RAF1: variants seen among roughly 807,000 people sequenced by gnomAD.
RAF1 encodes Raf-1 proto-oncogene, serine/threonine kinase.
RAF1 carries 27 observed loss-of-function variants against 81.1 expected under a neutral mutation model. The observed-to-expected ratio is 0.33, with a 90% CI of 0.25 to 0.46. RAF1 has a LOEUF of 0.46. Ranked by LOEUF, RAF1 falls within the 20% of genes least tolerant of loss-of-function variation. The pLI is 1.00. For synonymous variants in RAF1, 298 were observed against 294.0 expected (o/e 1.01, Z -0.14); for missense variants, 598 against 826.0 (o/e 0.72, Z 3.38).
At chr3:12,652,551 T>C (rs2125568492) in intron 1 of RAF1, among the ~76,000 whole-genome samples, 1 of 151,690 alleles carries the variant, frequency 6.6e-6, no homozygotes, top group African/African-American at 2.4e-5. Context: ...CTTATGCATA[T>C]ACTTACAGAC....
chr3:12,624,962 A>G (rs2059661235), intron 1 of RAF1, among the ~76,000 whole-genome samples: 1 of 152,168 alleles, frequency 6.6e-6, no homozygotes, highest in Non-Finnish European at 1.5e-5. Context: ...CCATTGCAAA[A>G]AAAACAGGAA....
intron 1 of RAF1, among the ~76,000 whole-genome samples, chr3:12,662,266 T>TA (rs1314955968): frequency 2.1e-5 from 3 of 142,316 alleles, no homozygotes; most frequent in Non-Finnish European, 3.0e-5. Context: ...GCCCAGGAGT[T>TA]AGAGGCTGCA....
intron 16 of RAF1, 47 bp from the exon 16 acceptor site, chr3:12,585,028 AGAT>A: frequency 6.2e-7 from 1 of 1,614,054 alleles, no homozygotes; most frequent in Non-Finnish European, 8.5e-7. Flanking sequence ...AATGAACAAC[AGAT>A]AATAACAAGT....
At chr3:12,641,414 T>C (rs1575648577) in intron 1 of RAF1, among the ~76,000 whole-genome samples, 1 of 148,714 alleles carries the variant, frequency 6.7e-6, no homozygotes, top group South Asian at 2.1e-4. Context: ...GGAGAAAAAA[T>C]AGTTCCACTT....
At chr3:12,620,539 C>CA (rs1380877136) in intron 1 of RAF1, among the ~76,000 whole-genome samples, 2 of 152,192 alleles carry the variant, frequency 1.3e-5, no homozygotes, top group East Asian at 3.9e-4. Flanking sequence ...GACATGATCA[C>CA]AGCTCACTGC....
rs563495625 is a variant in RAF1, at chr3:12,612,557, G to A, written c.208-495C>T. The stretch of plus-strand genomic sequence containing the variant: ...TCAGCTACTTGGGAGGCTGAGGTAG[G>A]AGAATTGCTGGAACCCAGGAGGGAG... On this transcript the variant is annotated intron_variant, in intron 2 of 17. Transcript: ENST00000442415. Among the ~76,000 whole-genome samples the A allele has an allele frequency of 4.0e-5, 6 of 151,434 alleles. No homozygotes were observed. In the South Asian group the frequency reaches 1.2e-3, roughly 31 times the overall value.
chr3:12,618,883 GTTTC>G (rs1381692423), intron 1 of RAF1, 136 bp from the exon 2 acceptor site: 2 of 701,698 alleles, frequency 2.9e-6, no homozygotes, highest in African/African-American at 3.6e-5. Context: ...GCAAAGAAAA[GTTTC>G]TTTAATAGTA....
chr3:12,593,686 G>A (rs1180847955), intron 11 of RAF1, among the ~76,000 whole-genome samples: 25 of 152,010 alleles, frequency 1.6e-4, no homozygotes, highest in Non-Finnish European at 1.0e-4. Context: ...CTGAGTAGGA[G>A]GACAACAATC....
chr3:12,619,138 G>T (rs1320974569), intron 1 of RAF1, among the ~76,000 whole-genome samples: 1 of 152,156 alleles, frequency 6.6e-6, no homozygotes, highest in African/African-American at 2.4e-5. Context: ...CCAGCTACTC[G>T]GGAGGCTGAG....
At chr3:12,650,399 T>G (rs1366222503) in intron 1 of RAF1, among the ~76,000 whole-genome samples, 1 of 152,188 alleles carries the variant, frequency 6.6e-6, no homozygotes, top group African/African-American at 2.4e-5. Flanking sequence ...AATCTTGTTA[T>G]AATCCATCAT....
chr3:12,585,149 A>T lies in RAF1; in HGVS notation c.1701T>A (p.Pro567=), dbSNP rs2125321847. 6.2e-7 allele frequency: 1 copy of T among 1,614,218 alleles called. No homozygotes were observed. The highest frequency in any genetic ancestry group is 8.5e-7 in the Non-Finnish European group (1 of 1,180,036). Residue 567 remains proline, a synonymous_variant, in exon 16 of 18, where the codon CCT becomes CCA. Transcript: ENST00000442415. ...GATCTCGGTTGTTGATGTGAGAATA[A>T]GGAAGCTCCCCCGTCATCAGTTCAT... is the stretch of plus-strand genomic sequence containing the variant.
intron 1 of RAF1, among the ~76,000 whole-genome samples, chr3:12,659,301 G>A (rs1406538981): frequency 6.6e-6 from 1 of 151,140 alleles, no homozygotes; most frequent in Non-Finnish European, 1.5e-5. Context: ...GGTGGCCGGC[G>A]CCTGTAATCC....
At chr3:12,587,275 A>G (rs1451706445) in intron 14 of RAF1, 1 of 388,868 alleles carries the variant, frequency 2.6e-6, no homozygotes, top group Non-Finnish European at 4.7e-6. Context: ...AATCCCCGTC[A>G]GGTTACATTT....
In RAF1 at chr3:12,658,604, A is replaced by C. The variant is rs1044045575; in HGVS notation, c.-27+5209T>G. ...GCAACAAGAACGAAACTCCGTCTCAAAAAAAACAAAAAAAGAAACAAACAA... is the reference window on the plus strand; with the variant it reads ...GCAACAAGAACGAAACTCCGTCTCACAAAAAACAAAAAAAGAAACAAACAA... On this transcript the variant is annotated intron_variant, in intron 1 of 17. Transcript: ENST00000442415. Among the ~76,000 whole-genome samples, 15 of 152,212 alleles carry C rather than the reference A, an allele frequency of 9.9e-5. 1 individual carries two copies. The highest frequency in any genetic ancestry group is 4.4e-5 in the Non-Finnish European group (3 of 68,034).
chr3:12,634,415 T>C (rs2059958427), intron 1 of RAF1, among the ~76,000 whole-genome samples: 1 of 151,880 alleles, frequency 6.6e-6, no homozygotes, highest in South Asian at 2.1e-4. Context: ...CCTCCCAAAA[T>C]GCTGGGATTA....
At chr3:12,654,532 G>A (rs922535053) in intron 1 of RAF1, among the ~76,000 whole-genome samples, 4 of 151,538 alleles carry the variant, frequency 2.6e-5, no homozygotes, top group Non-Finnish European at 5.9e-5. Flanking sequence ...TGCCTGGGAG[G>A]TCAAGGCTAC....
At chr3:12,590,572 G>C (rs1285200078) in intron 13 of RAF1, 1 of 557,146 alleles carries the variant, frequency 1.8e-6, no homozygotes, top group Non-Finnish European at 3.2e-6. Context: ...GTGATCCACT[G>C]GCCTTGGCCT....
At chr3:12,635,878 C>A (rs1575635805) in intron 1 of RAF1, among the ~76,000 whole-genome samples, 1 of 151,206 alleles carries the variant, frequency 6.6e-6, no homozygotes, top group East Asian at 1.9e-4. Context: ...GAGGCTGAGG[C>A]AGGAGAATGG....
At chr3:12,618,870 T>G (rs940397322) in intron 1 of RAF1, 123 bp from the exon 2 acceptor site, 10 of 752,880 alleles carry the variant, frequency 1.3e-5, no homozygotes, top group Non-Finnish European at 2.2e-6. Context: ...CCTGCATTCA[T>G]CAGCAAAGAA....
Sources: gnomAD v4.1 joint callset for allele counts (sites outside exome capture counted in the v4.1 genomes callset) on GRCh38, gnomAD v4.1.1 for gene constraint, MANE v1.5 for transcripts, NCBI Gene and HGNC (gene_info 2026-07-23, HGNC 2026-07-21) for gene names.